The following UNC80 variants were observed in gnomAD, a reference collection of about 807,000 sequenced individuals.
UNC80 encodes unc-80 subunit of NALCN channel complex.
A neutral mutation model predicts 384.6 loss-of-function variants in UNC80; 164 were observed. The observed-to-expected ratio is 0.43, with a 90% CI of 0.38 to 0.49. The LOEUF is 0.49. Ranked by LOEUF, UNC80 falls within the 20% of genes least tolerant of loss-of-function variation. The probability of loss-of-function intolerance (pLI) is 0.00; values close to 1 mark genes in which losing one functional copy is unlikely to be tolerated. For synonymous variants in UNC80, 1,486 were observed against 1,527.8 expected, an observed-to-expected ratio of 0.97 and a Z score of 0.64; for missense variants, 3,330 against 4,143.0, an observed-to-expected ratio of 0.80 and a Z score of 5.39.
intron 4 of UNC80, among the ~76,000 whole-genome samples, chr2:209,782,418 T>A (rs1015962127): frequency 1.3e-5 from 2 of 152,154 alleles, no homozygotes; most frequent in African/African-American, 4.8e-5. Context: ...AAACTCCTAC[T>A]TATCCTTTAG....
At chr2:209,846,891 A>G (rs1207384206) in intron 21 of UNC80, among the ~76,000 whole-genome samples, 1 of 152,152 alleles carries the variant, frequency 6.6e-6, no homozygotes, top group African/African-American at 2.4e-5. Context: ...TCATCAGTGT[A>G]TCATTAAAAA....
At chr2:209,774,767 G>A (rs1486690791) in intron 2 of UNC80, among the ~76,000 whole-genome samples, 1 of 152,044 alleles carries the variant, frequency 6.6e-6, no homozygotes, top group Non-Finnish European at 1.5e-5. Context: ...CCTTTATCTA[G>A]TTTCTTAAAG....
intron 43 of UNC80, 134 bp downstream of exon 43, chr2:209,939,786 T>C: frequency 1.3e-6 from 1 of 756,088 alleles, no homozygotes; most frequent in South Asian, 2.6e-5. Flanking sequence ...TACATATGTA[T>C]ACATGTGCCA....
At chr2:209,796,302 C>T (rs188807971) in intron 7 of UNC80, 2 of 152,216 alleles carry the variant, frequency 1.3e-5, no homozygotes, top group Non-Finnish European at 2.9e-5. Flanking sequence ...ACCTGTACCC[C>T]CATTGTATCT....
In UNC80 at chr2:209,857,089, C is replaced by T. The variant is rs553222087; in HGVS notation, c.3627+7466C>T. Among the ~76,000 whole-genome samples the T allele has an allele frequency of 1.6e-4, 24 of 152,234 alleles. No individual in the cohort carries two copies. The South Asian group carries it at 5.0e-3, about 32-fold the overall frequency. ...ACAGGTGTAAGCCACCACGCCTGGC[C>T]TGGGTTTTGTTTTATTCCATTTTCC... On this transcript the variant is annotated intron_variant, in intron 22 of 64. Coordinates refer to ENST00000673920, the MANE Select transcript of UNC80 (RefSeq NM_001371986.1).
intron 29 of UNC80, among the ~76,000 whole-genome samples, chr2:209,906,319 T>C (rs1413357076): frequency 1.3e-5 from 2 of 152,206 alleles, no homozygotes; most frequent in Non-Finnish European, 2.9e-5. Context: ...ATACAAAATA[T>C]TCTTTAAAAA....
chr2:209,892,736 A>C (rs2086461555), intron 26 of UNC80, among the ~76,000 whole-genome samples: 1 of 152,226 alleles, frequency 6.6e-6, no homozygotes, highest in South Asian at 2.1e-4. Context: ...ACAAAATTTT[A>C]ATTATTTTCT....
chr2:209,788,611 A>T (rs2077604344), intron 5 of UNC80, among the ~76,000 whole-genome samples: 1 of 147,830 alleles, frequency 6.8e-6, no homozygotes, highest in Admixed American at 6.8e-5. Context: ...AGTAAAATAA[A>T]TATATAAATT....
chr2:209,953,371 T>A (rs1409973869), intron 47 of UNC80, among the ~76,000 whole-genome samples: 1 of 132,164 alleles, frequency 7.6e-6, no homozygotes, highest in East Asian at 2.2e-4. Context: ...GCCGAAATCA[T>A]GCCACTGCAC....
Position 209,818,042 on chromosome 2 carries a change from G to A in UNC80, c.1693+90G>A, listed in dbSNP as rs116559745. On this transcript the variant is annotated intron_variant, in intron 11 of 64. Coordinates refer to ENST00000673920, the MANE Select transcript of UNC80 (RefSeq NM_001371986.1). ...CCATGTTACTTTCCCATTGTAATCC[G>A]CTTCCTGTGTTTTCTGAAAACTGGC... 5.2e-4 allele frequency: 751 copies of A among 1,439,972 alleles called. 5 individuals are homozygous for A. In the African/African-American group the frequency reaches 8.6e-3, roughly 17 times the overall value. The allele number at this position is 1,439,972 out of a possible 1,614,324, so 89.2% of individuals were successfully genotyped here.
rs2092524250 is a variant in UNC80, at chr2:209,959,547, C to G, written c.7645C>G (p.Arg2549Gly). The G allele has an allele frequency of 2.6e-6, 4 of 1,551,522 alleles. No individual in the cohort carries two copies. Among genetic ancestry groups the G allele is most frequent in the Admixed American group, 2.0e-5 (1 of 50,974 alleles). The change falls in exon 51 of 65, where the codon CGA (arginine) becomes GGA (glycine). Residue 2549 changes from arginine to glycine, a missense_variant. By Grantham distance (125) the Arg-to-Gly change is moderately radical (BLOSUM62 -2). Transcript: ENST00000673920. ...QGIPREELDE[R>G]IAREEFRRPR... ...CATTCCCAGAGAGGAACTGGATGAACGAATTGCTCGGGAAGAGTTCAGAAG... is the reference window on the plus strand; with the variant it reads ...CATTCCCAGAGAGGAACTGGATGAAGGAATTGCTCGGGAAGAGTTCAGAAG...
At chr2:209,906,725 GAAA>G (rs1553587555) in intron 29 of UNC80, among the ~76,000 whole-genome samples, 1 of 151,590 alleles carries the variant, frequency 6.6e-6, no homozygotes, top group African/African-American at 2.4e-5. Context: ...GACATAAAAA[GAAA>G]AAAAGTAAAT....
At chr2:209,798,641 C>T (rs192438946) in intron 7 of UNC80, among the ~76,000 whole-genome samples, 23 of 151,598 alleles carry the variant, frequency 1.5e-4, no homozygotes, top group African/African-American at 3.1e-4. Context: ...CTTGGCTATA[C>T]GGCTCTCCTT....
chr2:209,939,378 T>A, intron 42 of UNC80, 94 bp from the exon 43 acceptor site: 2 of 1,274,326 alleles, frequency 1.6e-6, no homozygotes, highest in Non-Finnish European at 2.1e-6. Context: ...ATCAACCCAG[T>A]TTGCCATTAA....
chr2:209,820,775 C>A, intron 13 of UNC80, 96 bp downstream of exon 13: 1 of 1,358,958 alleles, frequency 7.4e-7, no homozygotes, highest in Admixed American at 2.9e-5. Flanking sequence ...TGAACAGCAC[C>A]TAGTCACTAG....
chr2:209,895,436 C>T (rs547577259), intron 27 of UNC80, among the ~76,000 whole-genome samples: 3 of 152,166 alleles, frequency 2.0e-5, no homozygotes, highest in East Asian at 1.9e-4. Flanking sequence ...CACCCACCCT[C>T]GCCTTTGAAA....
At chr2:209,930,659 A>G (rs2090784666) in intron 37 of UNC80, among the ~76,000 whole-genome samples, 1 of 152,170 alleles carries the variant, frequency 6.6e-6, no homozygotes, top group African/African-American at 2.4e-5. Context: ...AATAGAGTTA[A>G]CTAAATATAC....
intron 22 of UNC80, 126 bp downstream of exon 22, chr2:209,849,749 T>G: frequency 9.9e-7 from 1 of 1,013,656 alleles, no homozygotes; most frequent in Non-Finnish European, 1.4e-6. Context: ...GAATTAGTGA[T>G]AAAAGGGGGA....
chr2:209,807,128 T>A (rs2078950590), intron 7 of UNC80, among the ~76,000 whole-genome samples: 1 of 152,238 alleles, frequency 6.6e-6, no homozygotes, highest in African/African-American at 2.4e-5. Flanking sequence ...ACAATATTTT[T>A]AAAATAAGTG....
Sources: gnomAD v4.1 joint callset for allele counts (sites outside exome capture counted in the v4.1 genomes callset) on GRCh38, gnomAD v4.1.1 for gene constraint, MANE v1.5 for transcripts, NCBI Gene and HGNC (gene_info 2026-07-23, HGNC 2026-07-21) for gene names.